Variants in PDXDC1 observed in about 807,000 individuals in gnomAD.
PDXDC1 encodes pyridoxal-dependent decarboxylase domain-containing protein 1.
A neutral mutation model predicts 100.1 loss-of-function variants in PDXDC1; 42 were observed. That is an observed-to-expected ratio of 0.42 (90% CI 0.33 to 0.54). The LOEUF is 0.54. Ranked by LOEUF, PDXDC1 falls within the 20% of genes least tolerant of loss-of-function variation. The pLI is 0.10. For synonymous variants in PDXDC1, 260 were observed against 371.7 expected (o/e 0.70, Z 3.46); for missense variants, 636 against 979.2 (o/e 0.65, Z 4.68).
At chr16:15,079,220 A>C (rs2151798147) in intron 16 of PDXDC1, among the ~76,000 whole-genome samples, 1 of 152,234 alleles carries the variant, frequency 6.6e-6, no homozygotes, top group Non-Finnish European at 1.5e-5. Context: ...CCTCCAAACC[A>C]GTCTCAAGCA....
chr16:15,074,876 A>T, intron 16 of PDXDC1: 4 of 1,598,586 alleles, frequency 2.5e-6, no homozygotes, highest in Non-Finnish European at 3.4e-6. Context: ...GAAGACAAAA[A>T]GTAAATACTA....
chr16:15,104,707 G>C, intron 16 of PDXDC1: 1 of 1,597,498 alleles, frequency 6.3e-7, no homozygotes. Flanking sequence ...GTGAGGTAGG[G>C]CCAGCAGGGC....
intron 19 of PDXDC1, 54 bp downstream of exon 19, chr16:15,033,453 A>G (rs67624034): frequency 0.045 from 71,808 of 1,588,500 alleles, 1,842 homozygotes; most frequent in African/African-American, 0.093. Context: ...CCCACCAAAC[A>G]GCAGGGGCCA....
intron 16 of PDXDC1, among the ~76,000 whole-genome samples, chr16:15,083,090 G>C (rs1445245422): frequency 1.3e-5 from 2 of 152,162 alleles, no homozygotes; most frequent in Non-Finnish European, 1.5e-5. Context: ...AAGTCTAGAA[G>C]ACAAAGTAAC....
the PDXDC1 span, among the ~76,000 whole-genome samples, chr16:15,146,267 C>G: frequency 1.3e-5 from 2 of 152,134 alleles, no homozygotes; most frequent in Admixed American, 1.3e-4. Context: ...GAGGCTCAAG[C>G]TTGGCACAAC....
In PDXDC1 at chr16:15,036,085, T is replaced by C. The variant is rs775745875; in HGVS notation, c.2177T>C (p.Ile726Thr). 21 of 1,614,120 alleles carry C rather than the reference T, an allele frequency of 1.3e-5. No homozygotes were observed. The East Asian group carries it at 1.3e-4, about 10-fold the overall frequency. ...ALSETSSVSHIEDLEKVERLS... is the reference protein window; with the variant it reads ...ALSETSSVSHTEDLEKVERLS... ...AGTGAGACCAGCTCAGTCAGTCACA[T>C]TGAAGACTTAGAAAAGGTGGAGCGC... The change falls in exon 23 of 23, where the codon ATT becomes ACT. Residue 726 changes from isoleucine (I) to threonine (T), a missense_variant. Around this residue, in one of 4 missense-constraint regions of PDXDC1, gnomAD observed 452 missense variants for 402.9 expected, o/e 1.12. Coordinates refer to ENST00000396410, the MANE Select transcript of PDXDC1 (RefSeq NM_015027.4).
rs530562204 is a variant in PDXDC1 at position 14,979,907 on chromosome 16, G to T, written c.21+4687G>T. ...CAAGGTTGAAATGACCAGTTTCCGT[G>T]TATGGCTTTGTAGATCCCACTCTTT... On this transcript the variant is annotated intron_variant, in intron 1 of 22. Coordinates refer to ENST00000396410, the MANE Select transcript of PDXDC1 (RefSeq NM_015027.4). Among the ~76,000 whole-genome samples, 14 of 152,292 alleles carry T rather than the reference G, an allele frequency of 9.2e-5. 1 individual carries two copies. Among genetic ancestry groups the T allele is most frequent in the Admixed American group, 9.2e-4 (14 of 15,290 alleles).
chr16:15,012,517 C>G (rs1305158340), intron 8 of PDXDC1, among the ~76,000 whole-genome samples: 1 of 152,234 alleles, frequency 6.6e-6, no homozygotes, highest in Non-Finnish European at 1.5e-5. Flanking sequence ...TAGTGAAATG[C>G]AAATTAAGAT....
chr16:15,038,553 AC>A, downstream of PDXDC1: 1 of 1,317,620 alleles, frequency 7.6e-7, no homozygotes, highest in East Asian at 2.3e-5. Flanking sequence ...TTTAAGACTT[AC>A]CCAGCCTGTA....
At chr16:15,005,597 CTGT>C (rs1406587884) in intron 5 of PDXDC1, among the ~76,000 whole-genome samples, 10 of 152,414 alleles carry the variant, frequency 6.6e-5, no homozygotes, top group African/African-American at 2.2e-4. Flanking sequence ...GAGCAGTGTT[CTGT>C]TGTTCTAGTA....
At chr16:15,070,061 A>G in intron 16 of PDXDC1, 1 of 1,480,218 alleles carries the variant, frequency 6.8e-7, no homozygotes, top group Non-Finnish European at 9.3e-7. Context: ...GCACTCCCAC[A>G]ACACTGACCT....
chr16:15,012,061 AT>A (rs1221098292), intron 8 of PDXDC1, among the ~76,000 whole-genome samples: 5 of 152,284 alleles, frequency 3.3e-5, no homozygotes, highest in Non-Finnish European at 5.9e-5. Context: ...TGTATCTAAA[AT>A]ATATAAAGAA....
chr16:15,130,637 C>A lies in PDXDC1; in HGVS notation c.1400-8242C>A, dbSNP rs201767880. ...CCAGGCCGGCCCGCAGAGCTCACCC[C>A]GGGGAAATGAAGAAGGTGTAGGGCC... is the stretch of plus-strand genomic sequence containing the variant. On this transcript the variant is annotated intron_variant, in intron 16 of 16. Coordinates refer to the PDXDC1 transcript ENST00000535621. The A allele has an allele frequency of 5.2e-6, 7 of 1,348,098 alleles. No homozygotes were observed. In the Admixed American group the frequency reaches 8.4e-5, roughly 16 times the overall value. 83.5% of individuals were successfully genotyped at this position (1,348,098 alleles called of 1,614,324 possible). A position where few individuals can be genotyped will look rare whatever the true frequency, so the allele number is the denominator to read the frequency against.
intron 1 of PDXDC1, among the ~76,000 whole-genome samples, chr16:14,983,069 A>G (rs1299782344): frequency 6.6e-6 from 1 of 152,264 alleles, no homozygotes; most frequent in African/African-American, 2.4e-5. Context: ...AAGGTCTTCT[A>G]ATATGAGCAG....
In PDXDC1 at chr16:15,032,934, C is replaced by T. The variant is rs746800848; in HGVS notation, c.1645C>T (p.Leu549=). ...PEGENIHAGL[L]KKLNELESDL... ...AGGGGAAAACATCCATGCTGGACTC[C>T]TGAAGAAGTTAAATGAACTGGAATC... Residue 549 remains leucine, a synonymous_variant, in exon 18 of 23, where the codon CTG becomes TTG. Coordinates refer to ENST00000396410, the MANE Select transcript of PDXDC1 (RefSeq NM_015027.4). 1.9e-6 allele frequency: 3 copies of T among 1,611,406 alleles called. No individual in the cohort carries two copies. Among genetic ancestry groups the T allele is most frequent in the East Asian group, 2.2e-5 (1 of 44,880 alleles).
chr16:14,998,516 C>T, intron 3 of PDXDC1, 111 bp downstream of exon 3: 2 of 1,168,920 alleles, frequency 1.7e-6, no homozygotes, highest in South Asian at 3.0e-5. Flanking sequence ...ACAATCTGGG[C>T]TCGCTGCAAC....
chr16:15,135,441 G>C lies in PDXDC1; in HGVS notation c.1400-3438G>C. 4.8e-6 allele frequency: 6 copies of C among 1,258,772 alleles called. 1 individual carries two copies. In the South Asian group the frequency reaches 7.6e-5, roughly 16 times the overall value. The allele number at this position is 1,258,772 out of a possible 1,614,324, so 78.0% of individuals were successfully genotyped here. A position where few individuals can be genotyped will look rare whatever the true frequency, so the allele number is the denominator to read the frequency against. On this transcript the variant is annotated intron_variant, in intron 16 of 16. Coordinates refer to the PDXDC1 transcript ENST00000535621. ...CCGCCAGCCTCCCTCTGCAGGCCGA[G>C]AACAAGGGGCGACGTGGCCCGAGAA...
intron 1 of PDXDC1, chr16:14,975,636 G>T (rs1342955043): frequency 1.0e-6 from 1 of 985,408 alleles, no homozygotes; most frequent in East Asian, 1.1e-4. Flanking sequence ...CAAACCTGTA[G>T]GTTTTTCTTG....
chr16:15,090,786 T>A (rs1007968520), intron 16 of PDXDC1, among the ~76,000 whole-genome samples: 1 of 151,394 alleles, frequency 6.6e-6, no homozygotes, highest in Non-Finnish European at 1.5e-5. Context: ...AACTGGGCAG[T>A]AAAGGAAGAA....
Sources: allele counts gnomAD v4.1 joint callset (sites outside exome capture counted in the v4.1 genomes callset), GRCh38; gene constraint gnomAD v4.1.1; regional missense constraint gnomAD v4.1.1; transcripts MANE v1.5; gene names NCBI Gene and HGNC (gene_info 2026-07-23, HGNC 2026-07-21).